The following NUP205 variants were observed in gnomAD, a reference collection of about 807,000 sequenced individuals.
NUP205 encodes the protein nuclear pore complex protein Nup205.
Under a neutral mutation model 253.8 loss-of-function variants are expected in NUP205, and 76 were observed. The ratio of observed to expected loss-of-function variants is 0.30; its 90% CI spans 0.25 to 0.36. NUP205 has a LOEUF of 0.36. Ranked by LOEUF, NUP205 falls within the 10% of genes least tolerant of loss-of-function variation. The pLI, the probability that NUP205 is intolerant of heterozygous loss-of-function variation, is 1.00. For synonymous variants in NUP205, 832 were observed against 850.1 expected (o/e 0.98, Z 0.37); for missense variants, 2,162 against 2,425.5 (o/e 0.89, Z 2.28).
intron 35 of NUP205, among the ~76,000 whole-genome samples, chr7:135,631,756 C>T (rs546803888): frequency 1.8e-4 from 26 of 141,324 alleles, no homozygotes; most frequent in Middle Eastern, 3.6e-3. Flanking sequence ...TTCTTTCTTT[C>T]TTTTTTTTTT....
intron 35 of NUP205, among the ~76,000 whole-genome samples, chr7:135,630,790 G>T (rs536964110): frequency 6.6e-6 from 1 of 151,982 alleles, no homozygotes; most frequent in African/African-American, 2.4e-5. Context: ...GCTGGGTGTT[G>T]GGGCATTCAC....
intron 8 of NUP205, among the ~76,000 whole-genome samples, chr7:135,586,525 A>G (rs957891518): frequency 4.6e-5 from 7 of 152,058 alleles, no homozygotes; most frequent in Admixed American, 2.6e-4. Flanking sequence ...TATTGATTTT[A>G]AATATTTCTT....
At chr7:135,640,287 G>T (rs1794895541) in intron 38 of NUP205, among the ~76,000 whole-genome samples, 2 of 152,186 alleles carry the variant, frequency 1.3e-5, no homozygotes, top group Non-Finnish European at 2.9e-5. Flanking sequence ...ATTATGCTAA[G>T]AACTTTGTTA....
intron 23 of NUP205, 24 bp from the exon 24 acceptor site, chr7:135,615,892 A>C: frequency 6.3e-7 from 1 of 1,590,820 alleles, no homozygotes; most frequent in Non-Finnish European, 8.6e-7. Flanking sequence ...TCTGGGAAAC[A>C]AAATTTACAT....
rs753653508 is a variant in NUP205, at chr7:135,619,697, T to G, written c.4231+7T>G. ...GACTTCATTTTGAAGACAGGTTTTT[T>G]TCATTTAAATTGTCTATAAATTCTA... is the stretch of plus-strand genomic sequence containing the variant. On this transcript the variant is annotated splice_region_variant and intron_variant, in intron 29 of 42. Transcript: ENST00000285968. The G allele has an allele frequency of 3.7e-6, 6 of 1,607,046 alleles. No individual in the cohort carries two copies. Among genetic ancestry groups the G allele is most frequent in the Non-Finnish European group, 5.1e-6 (6 of 1,176,856 alleles).
chr7:135,645,608 G>C lies in NUP205; in HGVS notation c.5812+12G>C. On this transcript the variant is annotated intron_variant, in intron 41 of 42. Coordinates refer to ENST00000285968, the MANE Select transcript of NUP205 (RefSeq NM_015135.3). ...CAGAAGACTGCAAGGTAAACTTTCT[G>C]CTAAAAATTAATGAACCATAAATAC... The C allele has an allele frequency of 1.2e-6, 2 of 1,607,254 alleles. No individual in the cohort carries two copies. Among genetic ancestry groups the C allele is most frequent in the Non-Finnish European group, 8.5e-7 (1 of 1,178,326 alleles).
At chr7:135,614,576 T>A (rs887299394) in intron 23 of NUP205, among the ~76,000 whole-genome samples, 9 of 152,202 alleles carry the variant, frequency 5.9e-5, no homozygotes, top group African/African-American at 1.9e-4. Context: ...GAAAATTGTT[T>A]TACGAAGATT....
intron 31 of NUP205, among the ~76,000 whole-genome samples, chr7:135,624,210 T>C (rs980617438): frequency 2.0e-5 from 3 of 151,914 alleles, no homozygotes; most frequent in Non-Finnish European, 4.4e-5. Context: ...TTTTCTTTTT[T>C]CTTTTTATTG....
At chr7:135,618,170 G>A (rs1353368463) in intron 27 of NUP205, among the ~76,000 whole-genome samples, 1 of 151,758 alleles carries the variant, frequency 6.6e-6, no homozygotes, top group Non-Finnish European at 1.5e-5. Flanking sequence ...GAAAGAAGAT[G>A]GTGTCAAAAA....
In NUP205 at chr7:135,643,660, AT is replaced by A. The variant is rs143806514; in HGVS notation, c.5559+312del. ...GTTCTGAGAAAGGCTTCTGTTACAGATTTTTTTTTTAATAGAACTTGGGTAA... is the reference window on the plus strand; with the variant it reads ...GTTCTGAGAAAGGCTTCTGTTACAGATTTTTTTTTAATAGAACTTGGGTAA... On this transcript the variant is annotated intron_variant, in intron 39 of 42. Coordinates refer to ENST00000285968, the MANE Select transcript of NUP205 (RefSeq NM_015135.3). 0.16 allele frequency among the ~76,000 whole-genome samples: 24,559 copies of A among 150,654 alleles called. 2,202 individuals carry two copies. Among genetic ancestry groups the A allele is most frequent in the East Asian group, 0.24 (1,249 of 5,134 alleles).
At chr7:135,603,073 C>A in intron 18 of NUP205, 79 bp downstream of exon 18, 38 of 845,006 alleles carry the variant, frequency 4.5e-5, no homozygotes, top group Non-Finnish European at 6.2e-5. Context: ...GGTTAGGTAT[C>A]TAGTGCATCA....
At chr7:135,627,658 C>T (rs1370892460) in intron 33 of NUP205, among the ~76,000 whole-genome samples, 2 of 152,100 alleles carry the variant, frequency 1.3e-5, no homozygotes, top group African/African-American at 2.4e-5. Context: ...ACTTAACAGC[C>T]TATATGGCCC....
rs1794704504 is a variant in NUP205 at position 135,631,092 on chromosome 7, A to G, written c.5059+622A>G. Among the ~76,000 whole-genome samples, 8 of 141,846 alleles carry G rather than the reference A, an allele frequency of 5.6e-5. No homozygotes were observed. In the Admixed American group the frequency reaches 8.2e-4, roughly 15 times the overall value. The allele number at this position is 141,846 out of a possible 152,430, so 93.1% of individuals were successfully genotyped here. The stretch of plus-strand genomic sequence containing the variant: ...ACGTACATATGAGAAAGGGAGGGGG[A>G]GAGAGAGAAAGAAAGCAACAGAGAC... On this transcript the variant is annotated intron_variant, in intron 35 of 42. Coordinates refer to ENST00000285968, the MANE Select transcript of NUP205 (RefSeq NM_015135.3).
In NUP205 at chr7:135,597,270, G is replaced by T. The variant is rs1248215962; in HGVS notation, c.2014-98G>T. 1.0e-5 allele frequency: 8 copies of T among 774,208 alleles called. No individual in the cohort carries two copies. The East Asian group carries it at 1.8e-4, about 17-fold the overall frequency. The allele number at this position is 774,208 out of a possible 1,614,324, so 48.0% of individuals were successfully genotyped here. ...TTGGTGGACATTGTGAGATCTGTGG[G>T]TCCAGTGGGTGAGGTATGTGACTAT... On this transcript the variant is annotated intron_variant, in intron 13 of 42. Coordinates refer to ENST00000285968, the MANE Select transcript of NUP205 (RefSeq NM_015135.3).
intron 1 of NUP205, among the ~76,000 whole-genome samples, chr7:135,565,535 C>T (rs1390838858): frequency 1.3e-5 from 2 of 151,504 alleles, no homozygotes; most frequent in Non-Finnish European, 2.9e-5. Flanking sequence ...AGGGTTCAAG[C>T]TATTCTCCTG....
chr7:135,646,111 A>G (rs755906137), intron 41 of NUP205, 47 bp from the exon 42 acceptor site: 1 of 1,192,828 alleles, frequency 8.4e-7, no homozygotes. Context: ...ACTGTGTGGT[A>G]GATAGGTACT....
rs1181597636 is a variant in NUP205 at position 135,625,187 on chromosome 7, T to C, written c.4503T>C (p.Asp1501=). The C allele has an allele frequency of 6.2e-7, 1 of 1,613,310 alleles. No individual in the cohort carries two copies. Residue 1501 remains aspartate, a synonymous_variant, in exon 32 of 43, where the codon GAT becomes GAC. Transcript: ENST00000285968. ...AGATGCTGGCCCTGGCTCTACTTGA[T>C]AGAATTGTCTCCGTGGATAAACAGC... is the stretch of plus-strand genomic sequence containing the variant. ...IGRMLALALL[D]RIVSVDKQQQ...
intron 15 of NUP205, among the ~76,000 whole-genome samples, chr7:135,599,589 A>T (rs565807350): frequency 6.6e-6 from 1 of 152,028 alleles, no homozygotes; most frequent in African/African-American, 2.4e-5. Context: ...GTTGTTTTAA[A>T]TGTCTTATAT....
At chr7:135,601,311 C>T (rs1309453001) in intron 16 of NUP205, 59 bp from the exon 17 acceptor site, 29 of 1,454,160 alleles carry the variant, frequency 2.0e-5, no homozygotes, top group Non-Finnish European at 2.7e-5. Context: ...TCATATAAAT[C>T]AAGGGTGTGA....
Sources: allele counts gnomAD v4.1 joint callset (sites outside exome capture counted in the v4.1 genomes callset), GRCh38; gene constraint gnomAD v4.1.1; transcripts MANE v1.5; gene names NCBI Gene and HGNC (gene_info 2026-07-23, HGNC 2026-07-21).